KIRREL3: variants seen among roughly 807,000 people sequenced by gnomAD.
KIRREL3 encodes the protein kin of IRRE-like protein 3.
Under a neutral mutation model 89.7 loss-of-function variants are expected in KIRREL3, and 36 were observed. The observed-to-expected ratio is 0.40, with a 90% CI of 0.31 to 0.53. KIRREL3 has a LOEUF of 0.53. Among genes scored for constraint, KIRREL3 ranks in the 20% least tolerant of loss-of-function variants. The pLI is 0.49. For missense variants in KIRREL3, 864 were observed against 1,056.6 expected (o/e 0.82, Z 2.53); for synonymous variants, 445 against 441.4 (o/e 1.01, Z -0.10).
At chr11:126,743,318 T>C (rs141382535) in intron 1 of KIRREL3, among the ~76,000 whole-genome samples, 138 of 152,290 alleles carry the variant, frequency 9.1e-4, no homozygotes, top group Admixed American at 2.4e-3. Context: ...TATCTACAGG[T>C]GCTGGCTGGC....
In KIRREL3 at chr11:126,557,557, T is replaced by C. The variant is rs1020455723; in HGVS notation, c.133+5278A>G. ...CAAGCTCACACAGCCGGCTCCTCACTCTTAAGTGCTCCTCCCACTACACAT... is the reference window on the plus strand; with the variant it reads ...CAAGCTCACACAGCCGGCTCCTCACCCTTAAGTGCTCCTCCCACTACACAT... On this transcript the variant is annotated intron_variant, in intron 2 of 16. Transcript: ENST00000525144. This position sits in a 1 kb window ranked among gnomAD's most constrained non-coding sequence, Gnocchi z 5.6. Among the ~76,000 whole-genome samples, 4 of 152,196 alleles carry C rather than the reference T, an allele frequency of 2.6e-5. No homozygotes were observed. The highest frequency in any genetic ancestry group is 9.6e-5 in the African/African-American group (4 of 41,452).
chr11:126,924,618 C>G lies in KIRREL3; in HGVS notation c.55+75837G>C, dbSNP rs1437921585. Among the ~76,000 whole-genome samples, 2 of 152,156 alleles carry G rather than the reference C, an allele frequency of 1.3e-5. No individual in the cohort carries two copies. The highest frequency in any genetic ancestry group is 2.9e-5 in the Non-Finnish European group (2 of 68,022). ...CCCCAGAGTAGTCTTGATTTAAAGG[C>G]AGGGCTGTTGGGGGATTTGGAAGAA... is the stretch of plus-strand genomic sequence containing the variant. On this transcript the variant is annotated intron_variant, in intron 1 of 16. Coordinates refer to ENST00000525144, the MANE Select transcript of KIRREL3 (RefSeq NM_032531.4). This position sits in a 1 kb window ranked among gnomAD's most constrained non-coding sequence, Gnocchi z 4.7.
At chr11:126,863,876 T>C (rs567315398) in intron 1 of KIRREL3, among the ~76,000 whole-genome samples, 1 of 152,230 alleles carries the variant, frequency 6.6e-6, no homozygotes, top group South Asian at 2.1e-4. Flanking sequence ...ACAACAAAGG[T>C]AGGCTGCAGG....
rs1254389123 is a variant in KIRREL3 at position 126,953,001 on chromosome 11, A to G, written c.55+47454T>C. On this transcript the variant is annotated intron_variant, in intron 1 of 16. Coordinates refer to ENST00000525144, the MANE Select transcript of KIRREL3 (RefSeq NM_032531.4). This position sits in a 1 kb window ranked among gnomAD's most constrained non-coding sequence, Gnocchi z 5.2. ...TTACTGGGTATATACCCAAAGGATTATAAATCATTCTACTATGAAGACACA... is the reference window on the plus strand; with the variant it reads ...TTACTGGGTATATACCCAAAGGATTGTAAATCATTCTACTATGAAGACACA... Among the ~76,000 whole-genome samples, 1 of 152,242 alleles carries G rather than the reference A, an allele frequency of 6.6e-6. No individual in the cohort carries two copies. Among genetic ancestry groups the G allele is most frequent in the Non-Finnish European group, 1.5e-5 (1 of 68,046 alleles).
rs897012193 is a variant in KIRREL3, at chr11:126,778,318, T to C, written c.56-215406A>G. On this transcript the variant is annotated intron_variant, in intron 1 of 16. Transcript: ENST00000525144. This position sits in a 1 kb window ranked among gnomAD's most constrained non-coding sequence, Gnocchi z 4.5. Reference sequence around the variant, plus strand: ...GCAAGAGGAGGCCAGGGGATTTGTCTTGAAGTTGTGTTTGCGTAGCAATCA... The same window carrying C: ...GCAAGAGGAGGCCAGGGGATTTGTCCTGAAGTTGTGTTTGCGTAGCAATCA... 3.9e-5 allele frequency among the ~76,000 whole-genome samples: 6 copies of C among 152,200 alleles called. No individual in the cohort carries two copies. The highest frequency in any genetic ancestry group is 1.4e-4 in the African/African-American group (6 of 41,446).
Position 126,780,529 on chromosome 11 carries a change from G to A in KIRREL3, c.56-217617C>T, listed in dbSNP as rs1269516761. Among the ~76,000 whole-genome samples the A allele has an allele frequency of 6.6e-6, 1 of 152,092 alleles. No individual in the cohort carries two copies. The highest frequency in any genetic ancestry group is 1.5e-5 in the Non-Finnish European group (1 of 68,014). On this transcript the variant is annotated intron_variant, in intron 1 of 16. Coordinates refer to ENST00000525144, the MANE Select transcript of KIRREL3 (RefSeq NM_032531.4). This position sits in a 1 kb window ranked among gnomAD's most constrained non-coding sequence, Gnocchi z 5.3. ...TGGCTTCTTTGAAAAATGAATTTGG[G>A]GGCTGAGATTTCTCATCAGTATATA...
At chr11:126,597,865 C>T (rs1942473821) in intron 1 of KIRREL3, among the ~76,000 whole-genome samples, 1 of 152,224 alleles carries the variant, frequency 6.6e-6, no homozygotes. Flanking sequence ...CTACCTTGAT[C>T]AGTACTGTAT....
chr11:126,857,143 G>T (rs1162825178), intron 1 of KIRREL3, among the ~76,000 whole-genome samples: 3 of 152,134 alleles, frequency 2.0e-5, no homozygotes. Context: ...TACACTGAAG[G>T]ACATGAAGCC....
Position 126,953,799 on chromosome 11 carries a change from C to T in KIRREL3, c.55+46656G>A, listed in dbSNP as rs556866715. On this transcript the variant is annotated intron_variant, in intron 1 of 16. Coordinates refer to ENST00000525144, the MANE Select transcript of KIRREL3 (RefSeq NM_032531.4). This position sits in a 1 kb window ranked among gnomAD's most constrained non-coding sequence, Gnocchi z 5.2. The stretch of plus-strand genomic sequence containing the variant: ...CTCAGAGGTCTCTCAAACAGCTTTT[C>T]TGATATACTGTTTTTATATAAATTC... Among the ~76,000 whole-genome samples, 2 of 152,304 alleles carry T rather than the reference C, an allele frequency of 1.3e-5. No homozygotes were observed. Among genetic ancestry groups the T allele is most frequent in the East Asian group, 3.9e-4 (2 of 5,186 alleles).
chr11:126,484,655 A>G lies in KIRREL3; in HGVS notation c.434-11189T>C, dbSNP rs1204126269. Reference sequence around the variant, plus strand: ...GTAAGTATGTTTATCTGAAATTCACATTTAACAGGGAATCCTGTATTTTAT... The same window carrying G: ...GTAAGTATGTTTATCTGAAATTCACGTTTAACAGGGAATCCTGTATTTTAT... On this transcript the variant is annotated intron_variant, in intron 4 of 16. Coordinates refer to ENST00000525144, the MANE Select transcript of KIRREL3 (RefSeq NM_032531.4). The surrounding 1 kb of genome is among the most constrained non-coding windows in gnomAD (Gnocchi z 5.2). Among the ~76,000 whole-genome samples, 1 of 152,242 alleles carries G rather than the reference A, an allele frequency of 6.6e-6. No homozygotes were observed. Among genetic ancestry groups the G allele is most frequent in the African/African-American group, 2.4e-5 (1 of 41,460 alleles).
chr11:126,582,721 C>A (rs1941621000), intron 1 of KIRREL3, among the ~76,000 whole-genome samples: 1 of 152,140 alleles, frequency 6.6e-6, no homozygotes, highest in African/African-American at 2.4e-5. Context: ...GTTGTAAGAT[C>A]AGGATTGACC....
In KIRREL3 at chr11:126,635,675, G is replaced by A. The variant is rs190814431; in HGVS notation, c.56-72763C>T. Among the ~76,000 whole-genome samples the A allele has an allele frequency of 3.5e-4, 54 of 152,282 alleles. No individual in the cohort carries two copies. The highest frequency in any genetic ancestry group is 2.2e-3 in the Admixed American group (34 of 15,294). ...TAAGATGTGGCTTTGACCCCAGCTG[G>A]ATATCTGCTCACGTCATCAAAGCTC... is the stretch of plus-strand genomic sequence containing the variant. On this transcript the variant is annotated intron_variant, in intron 1 of 16. Transcript: ENST00000525144. This position sits in a 1 kb window ranked among gnomAD's most constrained non-coding sequence, Gnocchi z 4.0.
chr11:126,716,741 T>G (rs1947977622), intron 1 of KIRREL3, among the ~76,000 whole-genome samples: 2 of 34,046 alleles, frequency 5.9e-5, no homozygotes, highest in African/African-American at 2.7e-4. Context: ...TGTGAGTGTG[T>G]GTGTGTTGGG....
Position 126,970,447 on chromosome 11 carries a change from C to T in KIRREL3, c.55+30008G>A, listed in dbSNP as rs556310745. 1.2e-3 allele frequency among the ~76,000 whole-genome samples: 187 copies of T among 152,236 alleles called. No individual in the cohort carries two copies. The highest frequency in any genetic ancestry group is 1.7e-3 in the Non-Finnish European group (116 of 68,014). ...TAAACAGAAGACCCTAGGTGTGTAG[C>T]GACATTAGACAAAAAGTAACCAGTA... On this transcript the variant is annotated intron_variant, in intron 1 of 16. Coordinates refer to ENST00000525144, the MANE Select transcript of KIRREL3 (RefSeq NM_032531.4). This position sits in a 1 kb window ranked among gnomAD's most constrained non-coding sequence, Gnocchi z 4.4.
At chr11:126,850,715 A>G (rs1315421200) in intron 1 of KIRREL3, among the ~76,000 whole-genome samples, 5 of 152,146 alleles carry the variant, frequency 3.3e-5, no homozygotes, top group Non-Finnish European at 4.4e-5. Context: ...CTTATCCCCA[A>G]AATAAAAGGA....
At chr11:126,727,867 A>C (rs1326781053) in intron 1 of KIRREL3, among the ~76,000 whole-genome samples, 1 of 152,052 alleles carries the variant, frequency 6.6e-6, no homozygotes, top group Non-Finnish European at 1.5e-5. Context: ...CCTGGGAGAG[A>C]CATCTGCAGG....
chr11:126,966,640 G>A (rs893881377), intron 1 of KIRREL3, among the ~76,000 whole-genome samples: 9 of 152,108 alleles, frequency 5.9e-5, no homozygotes, highest in Non-Finnish European at 1.2e-4. Context: ...GCATACTAAT[G>A]GGCTCATTCT....
chr11:126,972,205 G>GAGAGAGAGAGAGAGAGA (rs1949445226), intron 1 of KIRREL3, among the ~76,000 whole-genome samples: 11 of 40,990 alleles, frequency 2.7e-4, no homozygotes, highest in Non-Finnish European at 5.3e-4. Flanking sequence ...AGAGAGAGAG[G>GAGAGAGAGAGAGAGAGA]ACTGTGCATA....
intron 4 of KIRREL3, among the ~76,000 whole-genome samples, chr11:126,499,143 C>G (rs953577536): frequency 1.0e-5 from 1 of 99,610 alleles, no homozygotes; most frequent in African/African-American, 4.3e-5. Context: ...CAGAGCAAGA[C>G]TCCGTTTCAA....
Sources: gnomAD v4.1 joint callset for allele counts (sites outside exome capture counted in the v4.1 genomes callset) on GRCh38, gnomAD v4.1.1 for gene constraint, Gnocchi (gnomAD v3.1) non-coding constraint, MANE v1.5 for transcripts, NCBI Gene and HGNC (gene_info 2026-07-23, HGNC 2026-07-21) for gene names.